Variants in CDKL3 observed in about 807,000 individuals in gnomAD.
The protein encoded by CDKL3 is cyclin dependent kinase like 3.
CDKL3 carries 65 observed loss-of-function variants against 69.3 expected under a neutral mutation model. The ratio of observed to expected loss-of-function variants is 0.94; its 90% confidence interval spans 0.77 to 1.15. The LOEUF (loss-of-function observed/expected upper bound fraction) is 1.15. CDKL3 is among the 50% of genes most tolerant of loss of function. The probability of loss-of-function intolerance (pLI) is 0.00; values close to 1 mark genes in which losing one functional copy is unlikely to be tolerated. For synonymous variants in CDKL3, 202 were observed against 221.6 expected, an observed-to-expected ratio of 0.91 and a Z score of 0.79; for missense variants, 652 against 689.2, an observed-to-expected ratio of 0.95 and a Z score of 0.61.
chr5:134,326,193 C>T (rs574878012), intron 4 of CDKL3, among the ~76,000 whole-genome samples: 2 of 152,188 alleles, frequency 1.3e-5, no homozygotes, highest in East Asian at 1.9e-4. Flanking sequence ...CCAGCTTGAC[C>T]TGAAATTTCA....
chr5:134,366,929 A>T, intron 1 of CDKL3, 48 bp downstream of exon 1: 1 of 992,282 alleles, frequency 1.0e-6, no homozygotes, highest in Non-Finnish European at 1.2e-6. Context: ...TCCTAAAAAA[A>T]GCCTGGTCTC....
intron 12 of CDKL3, among the ~76,000 whole-genome samples, chr5:134,299,941 T>C (rs1024253874): frequency 2.0e-5 from 3 of 152,176 alleles, no homozygotes; most frequent in African/African-American, 7.2e-5. Context: ...TATGGACTCT[T>C]TTCTCTCTTG....
intron 4 of CDKL3, among the ~76,000 whole-genome samples, chr5:134,331,162 C>T (rs142684861): frequency 6.6e-6 from 1 of 152,304 alleles, no homozygotes; most frequent in East Asian, 1.9e-4. Flanking sequence ...ACTGTTTCTA[C>T]TATTAATCAT....
upstream of CDKL3, among the ~76,000 whole-genome samples, chr5:134,369,328 T>C (rs35174708): frequency 5.8e-3 from 884 of 152,304 alleles, 6 homozygotes; most frequent in Admixed American, 0.012. Context: ...CTGAATTCCT[T>C]ACCTCTATTG....
chr5:134,325,887 C>T (rs2149500803), intron 4 of CDKL3, among the ~76,000 whole-genome samples: 1 of 151,076 alleles, frequency 6.6e-6, no homozygotes, highest in South Asian at 2.1e-4. Flanking sequence ...CCTCAGCCTC[C>T]CGAGTAGCTG....
At chr5:134,293,776 G>T (rs1334575860), downstream of CDKL3, among the ~76,000 whole-genome samples, 2 of 151,992 alleles carry the variant, frequency 1.3e-5, no homozygotes, top group East Asian at 1.9e-4. Context: ...TTCCAGCCTG[G>T]GTGGCAGAGT....
intron 2 of CDKL3, among the ~76,000 whole-genome samples, chr5:134,363,454 C>G (rs1464150636): frequency 3.5e-5 from 5 of 143,998 alleles, no homozygotes; most frequent in Admixed American, 1.4e-4. Flanking sequence ...CCACCATGGC[C>G]GGCTTTTTTT....
chr5:134,347,155 G>A (rs1752105189), intron 4 of CDKL3, among the ~76,000 whole-genome samples: 1 of 151,416 alleles, frequency 6.6e-6, no homozygotes, highest in Non-Finnish European at 1.5e-5. Flanking sequence ...TACTATCTTT[G>A]TAACTTTTCT....
Position 134,355,449 on chromosome 5 carries a change from A to G in CDKL3, c.360+4448T>C, listed in dbSNP as rs141642942. Among the ~76,000 whole-genome samples the G allele has an allele frequency of 1.4e-4, 21 of 152,298 alleles. No individual in the cohort carries two copies. The East Asian group carries it at 3.5e-3, about 25-fold the overall frequency. Reference sequence around the variant, plus strand: ...TCTGAGGGATGAGCAGAAGTAAACTAGGAAAGAGTGGAAGAAAGATAAATC... The same window carrying G: ...TCTGAGGGATGAGCAGAAGTAAACTGGGAAAGAGTGGAAGAAAGATAAATC... On this transcript the variant is annotated intron_variant, in intron 3 of 12. Transcript: ENST00000265334.
chr5:134,317,226 C>G (rs1430345068), intron 6 of CDKL3, among the ~76,000 whole-genome samples: 1 of 152,082 alleles, frequency 6.6e-6, no homozygotes, highest in African/African-American at 2.4e-5. Context: ...ACCTCTGCCT[C>G]CCAGGTTCAA....
Position 134,336,534 on chromosome 5 carries a change from C to T in CDKL3, c.539+13715G>A, listed in dbSNP as rs141134870. 6.6e-3 allele frequency among the ~76,000 whole-genome samples: 1,002 copies of T among 152,244 alleles called. 9 individuals are homozygous for T. The highest frequency in any genetic ancestry group is 0.022 in the African/African-American group (916 of 41,536). ...GGTGTGGATGTCCTTTTGTTGATGTCGATGCTATTCCTTTCTGTTTGTTAG... is the reference window on the plus strand; with the variant it reads ...GGTGTGGATGTCCTTTTGTTGATGTTGATGCTATTCCTTTCTGTTTGTTAG... On this transcript the variant is annotated intron_variant, in intron 4 of 12. Coordinates refer to ENST00000265334, the MANE Select transcript of CDKL3 (RefSeq NM_001113575.2).
chr5:134,302,197 G>A (rs1237620105), intron 12 of CDKL3: 1 of 456,852 alleles, frequency 2.2e-6, no homozygotes. Context: ...AGACAGCAGA[G>A]ATAAGGGAAT....
intron 6 of CDKL3, among the ~76,000 whole-genome samples, chr5:134,313,587 GTA>G (rs1440033547): frequency 6.6e-6 from 1 of 151,918 alleles, no homozygotes; most frequent in Non-Finnish European, 1.5e-5. Context: ...CAAGATAATT[GTA>G]TATAATATTA....
chr5:134,288,388 C>A (rs183414194), intron 8 of CDKL3, among the ~76,000 whole-genome samples: 285 of 152,318 alleles, frequency 1.9e-3, no homozygotes, highest in African/African-American at 5.6e-3. Context: ...TTCTTCCAAA[C>A]CACAATAGCG....
At position 134,360,030 on chromosome 5, in the gene CDKL3, T is replaced by C. The variant is rs1358737659; in HGVS notation, c.227A>G (p.His76Arg). 2 of 1,555,046 alleles carry C rather than the reference T, an allele frequency of 1.3e-6. No homozygotes were observed. The highest frequency in any genetic ancestry group is 1.2e-5 in the South Asian group (1 of 83,620). The part of the protein sequence containing the change: ...IEVFRQKKKI[H>R]LVFEFIDHTV... ...GTGGTCAATAAATTCAAATACCAAA[T>C]GAATTTTCTTTTTCTGTCTAAAAAC... Residue 76 changes from histidine to arginine, a missense_variant, in exon 3 of 13, where the codon CAT becomes CGT. Transcript: ENST00000265334.
At chr5:134,345,046 CAG>C (rs1183319241) in intron 4 of CDKL3, among the ~76,000 whole-genome samples, 2 of 151,888 alleles carry the variant, frequency 1.3e-5, no homozygotes, top group Non-Finnish European at 2.9e-5. Flanking sequence ...GCCTGGGCGA[CAG>C]AGAGAGACTC....
intron 6 of CDKL3, among the ~76,000 whole-genome samples, chr5:134,314,175 T>TA (rs1245261836): frequency 6.6e-6 from 1 of 151,658 alleles, no homozygotes; most frequent in African/African-American, 2.4e-5. Flanking sequence ...ACAAACAAAT[T>TA]AAAAAAACCC....
intron 8 of CDKL3, among the ~76,000 whole-genome samples, chr5:134,287,063 T>C (rs1414456416): frequency 6.6e-6 from 1 of 151,862 alleles, no homozygotes. Context: ...CCTTAAGAAC[T>C]GCCAGGGAAA....
At chr5:134,371,519 C>T (rs1297016382), upstream of CDKL3, 45 of 1,511,828 alleles carry the variant, frequency 3.0e-5, no homozygotes, top group Middle Eastern at 2.3e-4. Flanking sequence ...CACAGTGATT[C>T]GGCCGCCGCG....
Sources: gnomAD v4.1 joint callset for allele counts (sites outside exome capture counted in the v4.1 genomes callset) on GRCh38, gnomAD v4.1.1 for gene constraint, MANE v1.5 for transcripts, NCBI Gene and HGNC (gene_info 2026-07-23, HGNC 2026-07-21) for gene names.